The following COL4A2 variants were observed in gnomAD, a reference collection of about 807,000 sequenced individuals.
COL4A2 encodes collagen alpha-2(IV) chain.
A neutral mutation model predicts 200.2 loss-of-function variants in COL4A2; 99 were observed. That is an observed-to-expected ratio of 0.49 (90% confidence interval 0.42 to 0.58). The LOEUF (loss-of-function observed/expected upper bound fraction) is 0.58. COL4A2 is among the 20% of genes least tolerant of loss of function. The pLI is 0.00. For missense variants in COL4A2, 1,950 were observed against 2,314.1 expected (o/e 0.84, Z 3.23); for synonymous variants, 897 against 900.6 (o/e 1.00, Z 0.07).
At chr13:110,426,937 G>A (rs1594207820) in intron 6 of COL4A2, among the ~76,000 whole-genome samples, 1 of 152,174 alleles carries the variant, frequency 6.6e-6, no homozygotes, top group East Asian at 1.9e-4. Flanking sequence ...TCGAGAAGCT[G>A]CCAACAAACA....
intron 38 of COL4A2, among the ~76,000 whole-genome samples, chr13:110,492,733 CAAG>C (rs1196157884): frequency 2.0e-5 from 3 of 152,334 alleles, no homozygotes; most frequent in Admixed American, 1.3e-4. Flanking sequence ...GGCGAGGCGT[CAAG>C]AAGAGGCATG....
intron 4 of COL4A2, among the ~76,000 whole-genome samples, chr13:110,358,773 C>T (rs540022921): frequency 3.5e-4 from 53 of 152,284 alleles, no homozygotes; most frequent in Non-Finnish European, 1.2e-4. Flanking sequence ...TCATTGCATA[C>T]TTTGCTAAGA....
At chr13:110,506,268 C>G in intron 45 of COL4A2, 147 bp from the exon 46 acceptor site, 1 of 852,768 alleles carries the variant, frequency 1.2e-6, no homozygotes, top group Non-Finnish European at 1.8e-6. Flanking sequence ...CTCTCTCTCT[C>G]TCTCTCTCTC....
intron 28 of COL4A2, among the ~76,000 whole-genome samples, chr13:110,470,402 GA>G (rs1240807741): frequency 1.8e-4 from 27 of 152,154 alleles, no homozygotes; most frequent in African/African-American, 6.5e-4. Context: ...TTCCTCCCTG[GA>G]ATACAGCCTG....
chr13:110,387,414 C>G (rs151162544), intron 4 of COL4A2, among the ~76,000 whole-genome samples: 20 of 152,334 alleles, frequency 1.3e-4, no homozygotes, highest in African/African-American at 4.3e-4. Flanking sequence ...ATTGTGATGC[C>G]CGGACATCAC....
chr13:110,428,768 T>C (rs1880565634), intron 7 of COL4A2, among the ~76,000 whole-genome samples, 185 bp downstream of exon 7: 1 of 152,250 alleles, frequency 6.6e-6, no homozygotes, highest in African/African-American at 2.4e-5. Context: ...AAATGTTAGA[T>C]AGAAAATCAT....
intron 4 of COL4A2, among the ~76,000 whole-genome samples, chr13:110,368,934 C>T (rs1160800342): frequency 2.0e-5 from 3 of 151,840 alleles, no homozygotes; most frequent in African/African-American, 4.8e-5. Flanking sequence ...TTAGGCCAGG[C>T]GCGGTGGCTC....
intron 26 of COL4A2, 129 bp from the exon 27 acceptor site, chr13:110,466,911 T>C: frequency 9.0e-7 from 1 of 1,116,086 alleles, no homozygotes; most frequent in Non-Finnish European, 1.3e-6. Flanking sequence ...ATTAAATCAT[T>C]AAGTTACTCT....
At chr13:110,444,263 T>C (rs149501362) in intron 16 of COL4A2, among the ~76,000 whole-genome samples, 2 of 152,318 alleles carry the variant, frequency 1.3e-5, no homozygotes, top group African/African-American at 4.8e-5. Context: ...TTGCTGAGGA[T>C]GCCACAGCAT....
intron 16 of COL4A2, among the ~76,000 whole-genome samples, chr13:110,444,888 T>A (rs540584230): frequency 4.6e-5 from 7 of 152,360 alleles, no homozygotes; most frequent in Middle Eastern, 3.4e-3. Flanking sequence ...TCTTGCTGTG[T>A]TGCCCAGGCT....
rs925483696 is a variant in COL4A2, at chr13:110,488,098, C to T, written c.3208-1347C>T. Among the ~76,000 whole-genome samples the T allele has an allele frequency of 3.9e-5, 6 of 152,198 alleles. No individual in the cohort carries two copies. The East Asian group carries it at 1.2e-3, about 29-fold the overall frequency. ...CTGGAGTGCAATGGCATGATCTTAG[C>T]TCACTGCAACCACTGCCTCCTGGTT... On this transcript the variant is annotated intron_variant, in intron 34 of 47. Coordinates refer to ENST00000360467, the MANE Select transcript of COL4A2 (RefSeq NM_001846.4).
At chr13:110,348,751 C>T (rs188367617) in intron 3 of COL4A2, among the ~76,000 whole-genome samples, 3 of 151,434 alleles carry the variant, frequency 2.0e-5, no homozygotes, top group Non-Finnish European at 1.5e-5. Flanking sequence ...TGTCACTTGG[C>T]GTAGGTTTTT....
At chr13:110,338,477 G>C (rs1447898268) in intron 3 of COL4A2, among the ~76,000 whole-genome samples, 2 of 152,140 alleles carry the variant, frequency 1.3e-5, no homozygotes, top group Admixed American at 6.5e-5. Flanking sequence ...AGAGCACTGA[G>C]GCTCTAGGGA....
intron 40 of COL4A2, among the ~76,000 whole-genome samples, chr13:110,498,295 G>C (rs1219535810): frequency 6.6e-6 from 1 of 152,244 alleles, no homozygotes; most frequent in Non-Finnish European, 1.5e-5. Flanking sequence ...TAAAGGCCTT[G>C]AAACATAGCG....
At chr13:110,509,425 A>C (rs1189916273) in intron 47 of COL4A2, among the ~76,000 whole-genome samples, 1 of 152,112 alleles carries the variant, frequency 6.6e-6, no homozygotes, top group Non-Finnish European at 1.5e-5. Flanking sequence ...TGCTATGATA[A>C]GTTGGAGCAA....
chr13:110,322,987 T>A (rs1051815001), intron 3 of COL4A2, among the ~76,000 whole-genome samples: 1 of 152,242 alleles, frequency 6.6e-6, no homozygotes, highest in Non-Finnish European at 1.5e-5. Flanking sequence ...AAAGGGCGTG[T>A]TGCCATCTCC....
intron 4 of COL4A2, among the ~76,000 whole-genome samples, chr13:110,377,689 CTA>C (rs1878294072): frequency 6.6e-6 from 1 of 152,168 alleles, no homozygotes; most frequent in Non-Finnish European, 1.5e-5. Context: ...TTGGCTTTGA[CTA>C]TGGGGAAATT....
At chr13:110,419,423 G>T (rs1880161323) in intron 4 of COL4A2, among the ~76,000 whole-genome samples, 1 of 152,148 alleles carries the variant, frequency 6.6e-6, no homozygotes, top group South Asian at 2.1e-4. Flanking sequence ...ATATTTTAAG[G>T]TTAATGAACA....
intron 3 of COL4A2, among the ~76,000 whole-genome samples, chr13:110,354,617 C>G (rs1024921824): frequency 6.9e-6 from 1 of 145,278 alleles, no homozygotes; most frequent in South Asian, 2.1e-4. Context: ...GGACTTTCCA[C>G]TTTTTGGAGT....
Sources: gnomAD v4.1 joint callset for allele counts (sites outside exome capture counted in the v4.1 genomes callset) on GRCh38, gnomAD v4.1.1 for gene constraint, MANE v1.5 for transcripts, NCBI Gene and HGNC (gene_info 2026-07-23, HGNC 2026-07-21) for gene names.